PDE3B: variants seen among roughly 807,000 people sequenced by gnomAD.
PDE3B encodes the protein cGMP-inhibited 3',5'-cyclic phosphodiesterase 3B.
PDE3B carries 66 observed loss-of-function variants against 116.8 expected under a neutral mutation model. The observed-to-expected ratio is 0.56, with a 90% CI of 0.46 to 0.69. PDE3B has a LOEUF of 0.69. PDE3B is among the 30% of genes least tolerant of loss of function. PDE3B has a pLI of 0.00. For synonymous variants in PDE3B, 595 were observed against 533.6 expected, an observed-to-expected ratio of 1.12 and a Z score of -1.59; for missense variants, 1,384 against 1,368.1, an observed-to-expected ratio of 1.01 and a Z score of -0.18.
intron 1 of PDE3B, among the ~76,000 whole-genome samples, chr11:14,684,327 G>C (rs1018148956): frequency 6.6e-6 from 1 of 152,164 alleles, no homozygotes; most frequent in African/African-American, 2.4e-5. Context: ...GTAGGACCAT[G>C]ATGCCTACCT....
At chr11:14,830,885 A>AAT in intron 8 of PDE3B, 39 bp downstream of exon 8, 1 of 1,348,314 alleles carries the variant, frequency 7.4e-7, no homozygotes, top group South Asian at 1.7e-5. Flanking sequence ...GTTAAGGTGA[A>AAT]ATATAATACT....
At chr11:14,844,545 C>T (rs1223906808) in intron 12 of PDE3B, among the ~76,000 whole-genome samples, 3 of 152,190 alleles carry the variant, frequency 2.0e-5, no homozygotes, top group African/African-American at 7.2e-5. Flanking sequence ...TTGCCTCACT[C>T]GGGAAGCACA....
chr11:14,721,625 G>C (rs1856087656), intron 1 of PDE3B, among the ~76,000 whole-genome samples: 1 of 148,020 alleles, frequency 6.8e-6, no homozygotes, highest in African/African-American at 2.5e-5. Flanking sequence ...TCCTTTCTAG[G>C]GACATGGATG....
chr11:14,696,690 A>T (rs1565096356), intron 1 of PDE3B, among the ~76,000 whole-genome samples: 1 of 151,880 alleles, frequency 6.6e-6, no homozygotes, highest in Non-Finnish European at 1.5e-5. Flanking sequence ...TATATTATGT[A>T]TTTTATATAC....
chr11:14,897,469 A>T, the PDE3B span, among the ~76,000 whole-genome samples: 1 of 152,192 alleles, frequency 6.6e-6, no homozygotes, highest in Admixed American at 6.5e-5. Context: ...ATGGAATATA[A>T]GTTGAGAAAT....
intron 2 of PDE3B, among the ~76,000 whole-genome samples, chr11:14,782,002 T>G (rs1316739482): frequency 6.6e-6 from 1 of 152,132 alleles, no homozygotes; most frequent in Admixed American, 6.5e-5. Context: ...ATCACAAGCA[T>G]TCTTATACAC....
At chr11:14,648,671 A>T (rs1032227723) in intron 1 of PDE3B, among the ~76,000 whole-genome samples, 8 of 152,140 alleles carry the variant, frequency 5.3e-5, no homozygotes, top group African/African-American at 1.9e-4. Context: ...AAAATCTCTT[A>T]TGGCTTTTCA....
intron 1 of PDE3B, among the ~76,000 whole-genome samples, chr11:14,702,780 A>G (rs1855405768): frequency 6.6e-6 from 1 of 151,962 alleles, no homozygotes; most frequent in Non-Finnish European, 1.5e-5. Flanking sequence ...TCCAGTGCAG[A>G]TATAGGACAT....
intron 14 of PDE3B, 85 bp downstream of exon 14, chr11:14,861,451 G>A: frequency 8.0e-7 from 1 of 1,257,226 alleles, no homozygotes; most frequent in South Asian, 1.3e-5. Flanking sequence ...GCTTTATTAA[G>A]TGTTTGAAAT....
At chr11:14,677,206 C>CT (rs1360378675) in intron 1 of PDE3B, among the ~76,000 whole-genome samples, 5 of 151,874 alleles carry the variant, frequency 3.3e-5, no homozygotes. Context: ...TGGCACTTAT[C>CT]TTGTTGTATT....
At chr11:14,818,038 C>A in intron 5 of PDE3B, 145 bp from the exon 6 acceptor site, 1 of 607,760 alleles carries the variant, frequency 1.6e-6, no homozygotes, top group Non-Finnish European at 2.8e-6. Context: ...ATTGTGAGGC[C>A]CCATGCAGGA....
intron 12 of PDE3B, among the ~76,000 whole-genome samples, chr11:14,846,852 A>G (rs368519889): frequency 8.6e-5 from 13 of 152,024 alleles, no homozygotes; most frequent in Non-Finnish European, 1.6e-4. Flanking sequence ...AGTCCTGAGT[A>G]ACCTACAAAG....
At chr11:14,651,471 C>G (rs181223819) in intron 1 of PDE3B, among the ~76,000 whole-genome samples, 1 of 152,180 alleles carries the variant, frequency 6.6e-6, no homozygotes, top group East Asian at 1.9e-4. Context: ...ACTAAAGCTA[C>G]GTAAAATTGA....
At chr11:14,829,989 A>C (rs957009652) in intron 7 of PDE3B, among the ~76,000 whole-genome samples, 2 of 152,142 alleles carry the variant, frequency 1.3e-5, no homozygotes, top group Admixed American at 6.6e-5. Flanking sequence ...ATCAGAGAGT[A>C]TATACTTTTA....
chr11:14,754,532 T>G (rs1857134499), intron 1 of PDE3B, among the ~76,000 whole-genome samples: 1 of 152,266 alleles, frequency 6.6e-6, no homozygotes, highest in South Asian at 2.1e-4. Context: ...ATAAATAGTG[T>G]TTTGGAATGT....
chr11:14,714,010 C>T (rs1019357632), intron 1 of PDE3B, among the ~76,000 whole-genome samples: 3 of 152,150 alleles, frequency 2.0e-5, no homozygotes, highest in African/African-American at 4.8e-5. Flanking sequence ...TTACCACAAC[C>T]TGGCTAGTAC....
intron 5 of PDE3B, among the ~76,000 whole-genome samples, chr11:14,815,941 A>T (rs970328857): frequency 7.6e-5 from 10 of 132,310 alleles, no homozygotes; most frequent in Non-Finnish European, 1.3e-4. Context: ...ATATTTATAC[A>T]CACACACACA....
chr11:14,659,796 A>G (rs938810106), intron 1 of PDE3B, among the ~76,000 whole-genome samples: 3 of 152,178 alleles, frequency 2.0e-5, no homozygotes, highest in East Asian at 1.9e-4. Context: ...TGCTGTGACT[A>G]TTTCTATTAT....
At chr11:14,894,582 G>A in the PDE3B span, among the ~76,000 whole-genome samples, 5 of 152,088 alleles carry the variant, frequency 3.3e-5, no homozygotes, top group Non-Finnish European at 7.4e-5. Flanking sequence ...TTCTTTCCCT[G>A]GCTACATAGC....
Sources: gnomAD v4.1 joint callset for allele counts (sites outside exome capture counted in the v4.1 genomes callset) on GRCh38, gnomAD v4.1.1 for gene constraint, MANE v1.5 for transcripts, NCBI Gene and HGNC (gene_info 2026-07-23, HGNC 2026-07-21) for gene names.